Variants in SPAM1 observed in about 807,000 individuals in gnomAD.
SPAM1 encodes the protein hyaluronidase PH-20.
SPAM1 carries 22 observed loss-of-function variants against 29.6 expected under a neutral mutation model. The ratio of observed to expected loss-of-function variants is 0.74; its 90% CI spans 0.53 to 1.06. The LOEUF (loss-of-function observed/expected upper bound fraction) is 1.06. Ranked by LOEUF, SPAM1 falls within the 50% of genes least tolerant of loss-of-function variation. The pLI, the probability that SPAM1 is intolerant of heterozygous loss-of-function variation, is 0.00. For missense variants in SPAM1, 534 were observed against 604.0 expected (o/e 0.88, Z 1.21); for synonymous variants, 194 against 204.6 (o/e 0.95, Z 0.44).
intron 1 of SPAM1, among the ~76,000 whole-genome samples, chr7:123,942,684 C>T (rs1392068090): frequency 6.6e-6 from 1 of 152,132 alleles, no homozygotes; most frequent in Non-Finnish European, 1.5e-5. Context: ...TCCCAAGGAA[C>T]CTTGGGGCTC....
chr7:123,945,710 T>C (rs1476944914), intron 1 of SPAM1, among the ~76,000 whole-genome samples: 1 of 152,030 alleles, frequency 6.6e-6, no homozygotes, highest in Non-Finnish European at 1.5e-5. Context: ...TTGAAGATGG[T>C]GAAAGGGGAG....
intron 2 of SPAM1, among the ~76,000 whole-genome samples, chr7:123,951,041 G>A (rs926015605): frequency 2.0e-5 from 3 of 152,020 alleles, no homozygotes; most frequent in African/African-American, 7.2e-5. Flanking sequence ...ACATTTATTG[G>A]CCTCTTGTAT....
chr7:123,954,323 G>A lies in SPAM1; in HGVS notation c.753G>A (p.Trp251Ter), dbSNP rs1269607095. 3 of 1,613,004 alleles carry A rather than the reference G, an allele frequency of 1.9e-6. No homozygotes were observed. Among genetic ancestry groups the A allele is most frequent in the Non-Finnish European group, 2.5e-6 (3 of 1,179,468 alleles). ...TAAAAAGAAATGATGATCTCAGCTG[G>A]TTGTGGAATGAAAGCACTGCTCTTT... ...VEIKRNDDLS[W>*]LWNESTALYP... Residue 251 changes from tryptophan to a stop codon, truncating the protein, a stop_gained, in exon 3 of 5, where the codon TGG becomes TGA. Coordinates refer to ENST00000682466, the MANE Select transcript of SPAM1 (RefSeq NM_153189.3). LOFTEE classifies it high-confidence loss of function.
chr7:123,942,420 AT>A (rs1162306716), intron 1 of SPAM1, among the ~76,000 whole-genome samples: 3 of 152,152 alleles, frequency 2.0e-5, no homozygotes, highest in Non-Finnish European at 4.4e-5. Context: ...TTTGAAACAC[AT>A]TTTTTCTTTC....
chr7:123,963,401 G>A (rs1792385169), downstream of SPAM1, among the ~76,000 whole-genome samples: 1 of 151,384 alleles, frequency 6.6e-6, no homozygotes, highest in Non-Finnish European at 1.5e-5. Context: ...TTCGATTTTA[G>A]TAGACTGTTG....
chr7:123,937,509 G>A (rs559060813), intron 1 of SPAM1, among the ~76,000 whole-genome samples: 1 of 149,748 alleles, frequency 6.7e-6, no homozygotes, highest in African/African-American at 2.5e-5. Flanking sequence ...GCTGAGGCAG[G>A]AGAATGGATT....
At chr7:123,940,552 A>C (rs1208961299) in intron 1 of SPAM1, among the ~76,000 whole-genome samples, 1 of 151,296 alleles carries the variant, frequency 6.6e-6, no homozygotes, top group Non-Finnish European at 1.5e-5. Flanking sequence ...GTGGTGGTGC[A>C]GTCACAGCTC....
intron 4 of SPAM1, among the ~76,000 whole-genome samples, chr7:123,957,599 TA>T (rs1020108096): frequency 1.3e-5 from 2 of 151,964 alleles, no homozygotes; most frequent in Non-Finnish European, 2.9e-5. Flanking sequence ...CTTAGTGGGT[TA>T]AAAAAACAGA....
Position 123,953,460 on chromosome 7 carries a change from A to G in SPAM1, c.-111A>G. 1.7e-6 allele frequency: 1 copy of G among 589,656 alleles called. No individual in the cohort carries two copies. The highest frequency in any genetic ancestry group is 1.9e-5 in the African/African-American group (1 of 53,178). The allele number at this position is 589,656 out of a possible 1,614,324, so 36.5% of individuals were successfully genotyped here. On this transcript the variant is annotated 5_prime_UTR_variant, in exon 3 of 5. Coordinates refer to ENST00000682466, the MANE Select transcript of SPAM1 (RefSeq NM_153189.3). ...AATCATTATACCTCTTTATCCATCA[A>G]AGTGAATTCATTCCATTCCCTTTCA... is the stretch of plus-strand genomic sequence containing the variant.
chr7:123,929,895 A>ATTTTTTTTT lies in SPAM1; in HGVS notation c.-319+4555_-319+4563dup, dbSNP rs71163712. On this transcript the variant is annotated intron_variant, in intron 1 of 4. Coordinates refer to ENST00000682466, the MANE Select transcript of SPAM1 (RefSeq NM_153189.3). ...AAAGAAGGAAGCTGGGTGTTTAGGGATTTTTTTTTTTTTTTTTTTTGAGGA... is the reference window on the plus strand; with the variant it reads ...AAAGAAGGAAGCTGGGTGTTTAGGGATTTTTTTTTTTTTTTTTTTTTTTTTTTTTGAGGA... 4.4e-3 allele frequency among the ~76,000 whole-genome samples: 529 copies of ATTTTTTTTT among 119,738 alleles called. 18 individuals carry two copies. Among genetic ancestry groups the ATTTTTTTTT allele is most frequent in the African/African-American group, 0.014 (446 of 32,400 alleles). 78.6% of individuals were successfully genotyped at this position (119,738 alleles called of 152,430 possible).
intron 2 of SPAM1, among the ~76,000 whole-genome samples, chr7:123,952,109 CT>C (rs961364043): frequency 3.9e-5 from 6 of 151,996 alleles, no homozygotes; most frequent in African/African-American, 1.4e-4. Context: ...GTTTTTCCCC[CT>C]AATATTATTT....
At position 123,954,481 on chromosome 7, in the gene SPAM1, C is replaced by A. The variant is rs778138042; in HGVS notation, c.911C>A (p.Thr304Asn). The part of the protein sequence containing the change: ...AKSPLPVFAY[T>N]RIVFTDQVLK... Reference sequence around the variant, plus strand: ...AGTCCACTTCCGGTTTTTGCATATACCCGCATAGTTTTTACTGATCAAGTT... The same window carrying A: ...AGTCCACTTCCGGTTTTTGCATATAACCGCATAGTTTTTACTGATCAAGTT... The change falls in exon 3 of 5, where the codon ACC becomes AAC. Residue 304 changes from threonine to asparagine, a missense_variant. Thr to Asn is a moderately conservative substitution (Grantham distance 65). Transcript: ENST00000682466. 6.2e-7 allele frequency: 1 copy of A among 1,611,470 alleles called. No individual in the cohort carries two copies. The highest frequency in any genetic ancestry group is 1.3e-5 in the African/African-American group (1 of 74,822).
Position 123,940,596 on chromosome 7 carries a change from C to T in SPAM1, c.-318-9276C>T, listed in dbSNP as rs540001601. On this transcript the variant is annotated intron_variant, in intron 1 of 4. Transcript: ENST00000682466. ...TTTAAATTCCTGGCTTAGAATGATT[C>T]TCCAACCATAACCTCCCCAGTAGCT... 3.3e-5 allele frequency among the ~76,000 whole-genome samples: 5 copies of T among 151,654 alleles called. No homozygotes were observed. In the South Asian group the frequency reaches 8.3e-4, roughly 25 times the overall value.
At chr7:123,931,885 T>A (rs1662644487) in intron 1 of SPAM1, among the ~76,000 whole-genome samples, 2 of 152,110 alleles carry the variant, frequency 1.3e-5, no homozygotes, top group Admixed American at 1.3e-4. Context: ...TTTTAAAAAA[T>A]TGATGACCCA....
chr7:123,926,262 CCTT>C (rs1807881704), intron 1 of SPAM1, among the ~76,000 whole-genome samples: 1 of 152,176 alleles, frequency 6.6e-6, no homozygotes, highest in Non-Finnish European at 1.5e-5. Flanking sequence ...ATCATACCCT[CCTT>C]CTTTCCCCGC....
At chr7:123,954,731 G>T (rs988546537) in intron 3 of SPAM1, among the ~76,000 whole-genome samples, 3 of 151,618 alleles carry the variant, frequency 2.0e-5, no homozygotes, top group African/African-American at 7.3e-5. Context: ...TAAGCCGGGA[G>T]AATTAGGTAG....
At chr7:123,944,957 T>A (rs1584953778) in intron 1 of SPAM1, among the ~76,000 whole-genome samples, 1 of 152,226 alleles carries the variant, frequency 6.6e-6, no homozygotes, top group Non-Finnish European at 1.5e-5. Context: ...AGTGGGGTTT[T>A]AAAAATATTA....
chr7:123,966,321 G>A (rs1688618270), intron 5 of SPAM1, among the ~76,000 whole-genome samples: 1 of 152,092 alleles, frequency 6.6e-6, no homozygotes, highest in African/African-American at 2.4e-5. Flanking sequence ...CACTGTTGGG[G>A]AGTGTGCAAA....
intron 5 of SPAM1, among the ~76,000 whole-genome samples, chr7:123,967,448 T>A (rs577683125): frequency 1.2e-4 from 18 of 152,084 alleles, no homozygotes; most frequent in Non-Finnish European, 2.4e-4. Flanking sequence ...GGTTATTTTG[T>A]CAGTGAGGGA....
Sources: allele counts gnomAD v4.1 joint callset (sites outside exome capture counted in the v4.1 genomes callset), GRCh38; gene constraint gnomAD v4.1.1; transcripts MANE v1.5; gene names NCBI Gene and HGNC (gene_info 2026-07-23, HGNC 2026-07-21).